The following NRG3 variants were observed in gnomAD, a reference collection of about 807,000 sequenced individuals.
The protein encoded by NRG3 is pro-neuregulin-3, membrane-bound isoform.
NRG3 carries 31 observed loss-of-function variants against 66.9 expected under a neutral mutation model. That is an observed-to-expected ratio of 0.46 (90% CI 0.35 to 0.63). The LOEUF is 0.63. Ranked by LOEUF, NRG3 falls within the 20% of genes least tolerant of loss-of-function variation. The probability of loss-of-function intolerance (pLI) is 0.00; values close to 1 mark genes in which losing one functional copy is unlikely to be tolerated. For synonymous variants in NRG3, 393 were observed against 359.4 expected (o/e 1.09, Z -1.06); for missense variants, 910 against 878.9 (o/e 1.04, Z -0.45).
chr10:82,392,131 A>T (rs2086415423), intron 2 of NRG3, among the ~76,000 whole-genome samples: 1 of 151,918 alleles, frequency 6.6e-6, no homozygotes, highest in South Asian at 2.1e-4. Context: ...CTGTTATCAC[A>T]CTCTGCTGTC....
At chr10:81,983,451 A>C (rs1589683577) in intron 1 of NRG3, among the ~76,000 whole-genome samples, 1 of 152,274 alleles carries the variant, frequency 6.6e-6, no homozygotes, top group East Asian at 1.9e-4. Context: ...TTGTTCTTTT[A>C]GGTGCCAGAC....
chr10:82,196,040 A>C (rs952437538), intron 1 of NRG3, among the ~76,000 whole-genome samples: 8 of 152,170 alleles, frequency 5.3e-5, no homozygotes, highest in Non-Finnish European at 1.2e-4. Flanking sequence ...TTAAGCCATA[A>C]ATTTTGTGAA....
At chr10:81,998,872 A>C (rs2061053442) in intron 1 of NRG3, among the ~76,000 whole-genome samples, 1 of 152,172 alleles carries the variant, frequency 6.6e-6, no homozygotes. Flanking sequence ...GCTGGAGTGC[A>C]GTGGTTTGAT....
chr10:82,149,612 C>T (rs1235835477), intron 1 of NRG3, among the ~76,000 whole-genome samples: 2 of 152,056 alleles, frequency 1.3e-5, no homozygotes, highest in Admixed American at 6.6e-5. Context: ...CATAAAGTTC[C>T]TCCATAGAAA....
At chr10:82,314,517 T>A (rs1166314870) in intron 1 of NRG3, among the ~76,000 whole-genome samples, 4 of 151,864 alleles carry the variant, frequency 2.6e-5, no homozygotes, top group Non-Finnish European at 5.9e-5. Context: ...CATTAAAAAA[T>A]AAATAAATAG....
rs189854558 is a variant in NRG3, at chr10:82,669,401, A to G, written c.954-69176A>G. Among the ~76,000 whole-genome samples the G allele has an allele frequency of 1.1e-3, 169 of 152,178 alleles. 1 individual carries two copies. Among genetic ancestry groups the G allele is most frequent in the Non-Finnish European group, 4.3e-4 (29 of 67,984 alleles). On this transcript the variant is annotated intron_variant, in intron 2 of 8. Coordinates refer to ENST00000372141, the MANE Select transcript of NRG3 (RefSeq NM_001010848.4). The stretch of plus-strand genomic sequence containing the variant: ...AAGTAATCATTTTCTTGGGTTGGAC[A>G]CAGAATAAATTTTTAGTACTTTATT...
intron 1 of NRG3, among the ~76,000 whole-genome samples, chr10:81,939,443 A>G (rs1408134213): frequency 6.6e-6 from 1 of 151,880 alleles, no homozygotes; most frequent in Non-Finnish European, 1.5e-5. Context: ...TCATTCAATA[A>G]TCTTACTAGT....
chr10:82,213,790 G>C (rs988264832), intron 1 of NRG3, among the ~76,000 whole-genome samples: 1 of 152,138 alleles, frequency 6.6e-6, no homozygotes, highest in Non-Finnish European at 1.5e-5. Flanking sequence ...GCTATTTCCA[G>C]AAACAGAAGA....
At chr10:82,648,658 T>C (rs1465183444) in intron 2 of NRG3, among the ~76,000 whole-genome samples, 1 of 152,210 alleles carries the variant, frequency 6.6e-6, no homozygotes. Flanking sequence ...TTCTTCCATT[T>C]GTTTGTATCC....
chr10:82,589,493 A>G (rs73311993), intron 2 of NRG3, among the ~76,000 whole-genome samples: 100 of 152,262 alleles, frequency 6.6e-4, no homozygotes, highest in African/African-American at 2.4e-3. Context: ...ATCAGGTGGG[A>G]AGCCTTCCAG....
intron 1 of NRG3, among the ~76,000 whole-genome samples, chr10:82,213,792 A>C (rs2075521450): frequency 2.0e-5 from 3 of 152,214 alleles, no homozygotes; most frequent in African/African-American, 7.2e-5. Flanking sequence ...TATTTCCAGA[A>C]ACAGAAGACA....
At chr10:81,943,146 T>G (rs1848542602) in intron 1 of NRG3, among the ~76,000 whole-genome samples, 1 of 152,084 alleles carries the variant, frequency 6.6e-6, no homozygotes, top group Non-Finnish European at 1.5e-5. Context: ...CTAGCAACTC[T>G]GGAGGCTGAG....
At chr10:82,701,092 A>G (rs1303671468) in intron 2 of NRG3, among the ~76,000 whole-genome samples, 1 of 151,996 alleles carries the variant, frequency 6.6e-6, no homozygotes, top group African/African-American at 2.4e-5. Context: ...TAAAGTCTTA[A>G]ATACAAAACA....
chr10:81,954,390 TTTGA>T (rs1397583080), intron 1 of NRG3, among the ~76,000 whole-genome samples: 1 of 152,212 alleles, frequency 6.6e-6, no homozygotes, highest in Non-Finnish European at 1.5e-5. Flanking sequence ...ATTTTCTTTC[TTTGA>T]TTGCATGCAA....
chr10:82,890,821 T>C (rs1843086950), intron 4 of NRG3, among the ~76,000 whole-genome samples: 2 of 152,208 alleles, frequency 1.3e-5, no homozygotes, highest in Non-Finnish European at 2.9e-5. Context: ...AAATGGTCCC[T>C]AGTTTGTATA....
chr10:82,767,911 A>G (rs1176840088), intron 3 of NRG3, among the ~76,000 whole-genome samples: 1 of 149,288 alleles, frequency 6.7e-6, no homozygotes, highest in East Asian at 2.0e-4. Context: ...TCCTCTGTTC[A>G]TGTTTAAGAG....
chr10:82,036,535 A>T (rs988963853), intron 1 of NRG3, among the ~76,000 whole-genome samples: 6 of 152,274 alleles, frequency 3.9e-5, no homozygotes, highest in African/African-American at 1.4e-4. Context: ...GCTTTATGTT[A>T]TATGATGCTA....
At chr10:82,255,055 T>C (rs542155570) in intron 1 of NRG3, among the ~76,000 whole-genome samples, 4 of 152,202 alleles carry the variant, frequency 2.6e-5, no homozygotes, top group Non-Finnish European at 5.9e-5. Context: ...CCCAGCCCGG[T>C]AATCAAGGTC....
intron 1 of NRG3, among the ~76,000 whole-genome samples, chr10:82,180,785 A>T (rs1473657466): frequency 6.6e-6 from 1 of 151,822 alleles, no homozygotes; most frequent in Non-Finnish European, 1.5e-5. Flanking sequence ...CCCCTCAACC[A>T]CTTCTCAATT....
Sources: gnomAD v4.1 joint callset for allele counts (sites outside exome capture counted in the v4.1 genomes callset) on GRCh38, gnomAD v4.1.1 for gene constraint, MANE v1.5 for transcripts, NCBI Gene and HGNC (gene_info 2026-07-23, HGNC 2026-07-21) for gene names.